The following RFC5 variants were observed in gnomAD, a reference collection of about 807,000 sequenced individuals.
RFC5 encodes the protein replication factor C subunit 5.
Under a neutral mutation model 44.3 loss-of-function variants are expected in RFC5, and 26 were observed. The observed-to-expected ratio is 0.59, with a 90% CI of 0.43 to 0.81. The LOEUF (loss-of-function observed/expected upper bound fraction) is 0.81, where lower values mean the gene tolerates loss of function less well. Ranked by LOEUF, RFC5 falls within the 40% of genes least tolerant of loss-of-function variation. The probability of loss-of-function intolerance (pLI) is 0.00; values close to 1 mark genes in which losing one functional copy is unlikely to be tolerated. For missense variants in RFC5, 328 were observed against 418.6 expected, an observed-to-expected ratio of 0.78 and a Z score of 1.89; for synonymous variants, 155 against 155.2, an observed-to-expected ratio of 1.00 and a Z score of 0.01.
At chr12:118,028,752 A>C (rs983737952) in intron 9 of RFC5, among the ~76,000 whole-genome samples, 2 of 152,340 alleles carry the variant, frequency 1.3e-5, no homozygotes, top group Admixed American at 1.3e-4. Context: ...TAAGGAAAAC[A>C]TCTTAAGTTC....
chr12:118,023,700 T>C (rs1306111064), intron 5 of RFC5, among the ~76,000 whole-genome samples: 4 of 152,082 alleles, frequency 2.6e-5, no homozygotes, highest in African/African-American at 9.7e-5. Context: ...TTGAGTGCTC[T>C]AAGGCCTCCA....
At chr12:118,022,824 G>C (rs5745830) in intron 5 of RFC5, among the ~76,000 whole-genome samples, 1,818 of 152,240 alleles carry the variant, frequency 0.012, 39 homozygotes, top group African/African-American at 0.042. Flanking sequence ...CTTGTTTTCA[G>C]TTTTCATCTT....
chr12:118,036,502 T>C (rs149740454), downstream of RFC5: 21 of 1,611,198 alleles, frequency 1.3e-5, no homozygotes, highest in African/African-American at 1.1e-4. Flanking sequence ...TCATGCTCCA[T>C]AGAAAGACCT....
At chr12:118,036,627 T>G, downstream of RFC5, 47 of 1,095,854 alleles carry the variant, frequency 4.3e-5, no homozygotes, top group Non-Finnish European at 5.5e-5. Flanking sequence ...GCTGATTCTC[T>G]ATCCCTTTTC....
chr12:118,025,024 G>A lies in RFC5; in HGVS notation c.581+14G>A, dbSNP rs200186909. 1.9e-5 allele frequency: 30 copies of A among 1,610,260 alleles called. No individual in the cohort carries two copies. Among genetic ancestry groups the A allele is most frequent in the Non-Finnish European group, 2.4e-5 (28 of 1,178,622 alleles). On this transcript the variant is annotated intron_variant, in intron 6 of 10. Coordinates refer to ENST00000454402, the MANE Select transcript of RFC5 (RefSeq NM_007370.7). ...GGAAGAAGAGAAGTGAGTATTTTGC[G>A]GGCCTTTGGGGATGGAGTGTAGTAG...
At chr12:118,034,941 C>G, downstream of RFC5, 1 of 1,579,996 alleles carries the variant, frequency 6.3e-7, no homozygotes, top group Non-Finnish European at 8.7e-7. Context: ...CCATGGTATA[C>G]TCAGCAGAAA....
chr12:118,040,486 C>T, the RFC5 span, among the ~76,000 whole-genome samples: 4 of 151,998 alleles, frequency 2.6e-5, no homozygotes, highest in South Asian at 2.1e-4. Flanking sequence ...GCCAGCCGAG[C>T]GTGGTACCTC....
rs2031329418 is a variant in RFC5, at chr12:118,031,646, G to A, written c.*368G>A. On this transcript the variant is annotated 3_prime_UTR_variant, in exon 11 of 11. Coordinates refer to ENST00000454402, the MANE Select transcript of RFC5 (RefSeq NM_007370.7). ...CTTTCAAATTTAATATGGTCCAAGT[G>A]TCTTCCTACTCAAGGTAAACATTAT... 6.4e-6 allele frequency: 1 copy of A among 156,216 alleles called. No individual in the cohort carries two copies. 9.7% of individuals were successfully genotyped at this position (156,216 alleles called of 1,614,324 possible).
At position 118,025,056 on chromosome 12, in the gene RFC5, G is replaced by A. The variant is rs745946248; in HGVS notation, c.581+46G>A. On this transcript the variant is annotated intron_variant, in intron 6 of 10. Transcript: ENST00000454402. Reference sequence around the variant, plus strand: ...TGGGGATGGAGTGTAGTAGAAACAGGCTTGTGGGATCACTGGCTGGTTCGT... The same window carrying A: ...TGGGGATGGAGTGTAGTAGAAACAGACTTGTGGGATCACTGGCTGGTTCGT... The A allele has an allele frequency of 2.9e-5, 45 of 1,572,638 alleles. No individual in the cohort carries two copies. In the East Asian group the frequency reaches 1.0e-3, roughly 35 times the overall value.
Position 118,017,672 on chromosome 12 carries a change from C to T in RFC5, c.65+780C>T, listed in dbSNP as rs552558943. ...CAGTTGTAACTATTTTATGTATTTA[C>T]GTATTTTTTTTTTTTAGAGACAGGG... On this transcript the variant is annotated intron_variant, in intron 1 of 10. Transcript: ENST00000454402. The T allele has an allele frequency of 5.5e-5, 55 of 994,830 alleles. 1 individual carries two copies. In the East Asian group the frequency reaches 2.0e-3, roughly 36 times the overall value. The allele number at this position is 994,830 out of a possible 1,614,324, so 61.6% of individuals were successfully genotyped here. A position where few individuals can be genotyped will look rare whatever the true frequency, so the allele number is the denominator to read the frequency against.
At chr12:118,041,058 C>A in the RFC5 span, among the ~76,000 whole-genome samples, 617 of 152,278 alleles carry the variant, frequency 4.1e-3, 3 homozygotes, top group Middle Eastern at 0.01. Context: ...CAAGAAAAAA[C>A]AAACAAACCA....
At chr12:118,035,303 G>A (rs769029649), downstream of RFC5, 1 of 1,614,182 alleles carries the variant, frequency 6.2e-7, no homozygotes, top group East Asian at 2.2e-5. Flanking sequence ...TGTCATCCAT[G>A]GCGGGGTCAA....
At chr12:118,016,997 C>G in intron 1 of RFC5, 105 bp downstream of exon 1, 1 of 886,940 alleles carries the variant, frequency 1.1e-6, no homozygotes, top group South Asian at 1.4e-5. Context: ...CGACCTCTTC[C>G]CGTCGTCTCC....
At position 118,031,550 on chromosome 12, in the gene RFC5, T is replaced by C. The variant is rs570830822; in HGVS notation, c.*272T>C. The stretch of plus-strand genomic sequence containing the variant: ...AATAACCTTTTTTATTTTAAAGTTA[T>C]AAGGTTTTTACCTTTTAGTTGCTTG... On this transcript the variant is annotated 3_prime_UTR_variant, in exon 11 of 11. Transcript: ENST00000454402. 2.6e-4 allele frequency: 59 copies of C among 228,304 alleles called. No homozygotes were observed. In the East Asian group the frequency reaches 3.7e-3, roughly 14 times the overall value. The allele number at this position is 228,304 out of a possible 1,614,324, so 14.1% of individuals were successfully genotyped here.
At position 118,019,096 on chromosome 12, in the gene RFC5, C is replaced by G; in HGVS notation, c.90C>G (p.Thr30=). ...LPWVEKYRPQ[T]LNDLISHQDI... ...GGGTTGAAAAATACCGGCCACAGAC[C>G]CTGAATGATCTCATTTCTCATCAGG... Residue 30 remains threonine, a synonymous_variant, in exon 2 of 11, where the codon ACC becomes ACG. Coordinates refer to ENST00000454402, the MANE Select transcript of RFC5 (RefSeq NM_007370.7). The surrounding 1 kb of genome is among the most constrained non-coding windows in gnomAD (Gnocchi z 4.2). 2 of 1,612,466 alleles carry G rather than the reference C, an allele frequency of 1.2e-6. No homozygotes were observed.
chr12:118,024,168 C>T (rs1417100722), intron 5 of RFC5, among the ~76,000 whole-genome samples: 6 of 151,814 alleles, frequency 4.0e-5, no homozygotes, highest in African/African-American at 1.2e-4. Context: ...GGTGAAACCC[C>T]GTCTCTACTA....
Position 118,022,340 on chromosome 12 carries a change from C to T in RFC5, c.402C>T (p.Ala134=), listed in dbSNP as rs1218705570. Residue 134 remains alanine, a synonymous_variant, in exon 5 of 11, where the codon GCC becomes GCT. Coordinates refer to ENST00000454402, the MANE Select transcript of RFC5 (RefSeq NM_007370.7). ...LDEADAMTQD[A]QNALRRVIEK... is the part of the protein sequence containing the mutation. ...AAGCAGACGCCATGACTCAGGACGCCCAGAATGCCTTGAGAAGAGGTAAGC... is the reference window on the plus strand; with the variant it reads ...AAGCAGACGCCATGACTCAGGACGCTCAGAATGCCTTGAGAAGAGGTAAGC... 1 of 1,613,658 alleles carries T rather than the reference C, an allele frequency of 6.2e-7. No homozygotes were observed. Among genetic ancestry groups the T allele is most frequent in the South Asian group, 1.1e-5 (1 of 91,064 alleles).
At chr12:118,034,805 T>G (rs2031468314), downstream of RFC5, 1 of 612,488 alleles carries the variant, frequency 1.6e-6, no homozygotes, top group South Asian at 2.3e-5. Flanking sequence ...TTAGGTTAAA[T>G]ATTCAGAGAA....
At chr12:118,040,785 C>T in the RFC5 span, among the ~76,000 whole-genome samples, 11 of 151,946 alleles carry the variant, frequency 7.2e-5, no homozygotes, top group East Asian at 9.7e-4. Context: ...CAGTGGCTCA[C>T]GCCTGTAATC....
Sources: allele counts gnomAD v4.1 joint callset (sites outside exome capture counted in the v4.1 genomes callset), GRCh38; gene constraint gnomAD v4.1.1; non-coding constraint Gnocchi (gnomAD v3.1); transcripts MANE v1.5; gene names NCBI Gene and HGNC (gene_info 2026-07-23, HGNC 2026-07-21).